Variants in METTL15 observed in about 807,000 individuals in gnomAD.
The protein encoded by METTL15 is methyltransferase 15, mitochondrial 12S rRNA N4-cytidine.
In METTL15, 34 loss-of-function variants were observed where a neutral mutation model predicts 38.3. That is an observed-to-expected ratio of 0.89 (90% CI 0.68 to 1.18). The LOEUF is 1.18. Among genes scored for constraint, METTL15 ranks in the 50% most tolerant of loss-of-function variants. The pLI is 0.00. For missense variants in METTL15, 438 were observed against 498.4 expected, an observed-to-expected ratio of 0.88 and a Z score of 1.15; for synonymous variants, 162 against 170.9, an observed-to-expected ratio of 0.95 and a Z score of 0.41.
At chr11:28,187,253 T>G (rs567516573) in intron 3 of METTL15, among the ~76,000 whole-genome samples, 13 of 151,374 alleles carry the variant, frequency 8.6e-5, no homozygotes, top group African/African-American at 2.9e-4. Flanking sequence ...TCTGACCAAA[T>G]AAATAAATCA....
intron 4 of METTL15, among the ~76,000 whole-genome samples, chr11:28,280,024 T>C (rs1008995051): frequency 3.3e-5 from 5 of 152,182 alleles, no homozygotes; most frequent in Non-Finnish European, 7.3e-5. Context: ...TTCTATTCTT[T>C]CCTTTTGTGC....
rs1436286667 is a variant in METTL15 at position 28,110,393 on chromosome 11, G to C, written c.-26G>C. ...GTTAGAGGCCAGCTGAGAAGTCTTC[G>C]TGCTTCAGGTGAGGAGAAGGGGACC... On this transcript the variant is annotated 5_prime_UTR_variant, in exon 2 of 7. Coordinates refer to ENST00000407364, the MANE Select transcript of METTL15 (RefSeq NM_001113528.2). 1 of 152,252 alleles carries C rather than the reference G, an allele frequency of 6.6e-6. No individual in the cohort carries two copies. The highest frequency in any genetic ancestry group is 1.5e-5 in the Non-Finnish European group (1 of 68,076). The allele number at this position is 152,252 out of a possible 1,614,324, so 9.4% of individuals were successfully genotyped here.
At chr11:28,237,220 C>G (rs572147144) in intron 4 of METTL15, among the ~76,000 whole-genome samples, 51 of 152,290 alleles carry the variant, frequency 3.3e-4, no homozygotes, top group African/African-American at 1.2e-3. Context: ...TCCATTCTCC[C>G]CATCACTTTC....
At chr11:28,255,357 C>T (rs531339235) in intron 4 of METTL15, among the ~76,000 whole-genome samples, 2 of 152,108 alleles carry the variant, frequency 1.3e-5, no homozygotes, top group South Asian at 4.1e-4. Flanking sequence ...TGGGTGGAAT[C>T]TTTAGGATTT....
At chr11:28,383,154 C>T (rs1212359858) in intron 5 of METTL15, among the ~76,000 whole-genome samples, 4 of 151,946 alleles carry the variant, frequency 2.6e-5, no homozygotes, top group East Asian at 1.9e-4. Context: ...TATCTATTGT[C>T]GCCTTCTTTG....
intron 3 of METTL15, among the ~76,000 whole-genome samples, chr11:28,122,359 GTGTGTGTGTGTGTATA>G (rs1338187939): frequency 2.1e-4 from 30 of 139,866 alleles, no homozygotes; most frequent in African/African-American, 4.8e-4. Context: ...GTGTGTGTGT[GTGTGTGTGTGTGTATA>G]TATATATATA....
chr11:28,296,535 C>T (rs547364109), intron 5 of METTL15, among the ~76,000 whole-genome samples: 115 of 152,148 alleles, frequency 7.6e-4, no homozygotes, highest in Admixed American at 1.3e-3. Flanking sequence ...CTGCCTTGAC[C>T]TTGATGAATG....
At chr11:28,334,213 T>G (rs547291267), downstream of METTL15, among the ~76,000 whole-genome samples, 1 of 152,198 alleles carries the variant, frequency 6.6e-6, no homozygotes, top group African/African-American at 2.4e-5. Flanking sequence ...CTGTTCACAT[T>G]GGTATGTAAA....
chr11:28,349,340 C>T (rs1357716029), intron 3 of METTL15, among the ~76,000 whole-genome samples: 1 of 152,234 alleles, frequency 6.6e-6, no homozygotes, highest in Non-Finnish European at 1.5e-5. Flanking sequence ...TTAGCCTCCT[C>T]TGCACAGGTC....
At chr11:28,279,599 G>A (rs1445197713) in intron 4 of METTL15, among the ~76,000 whole-genome samples, 1 of 151,962 alleles carries the variant, frequency 6.6e-6, no homozygotes, top group African/African-American at 2.4e-5. Context: ...CTACATGATT[G>A]TCTTAGGAAA....
intron 3 of METTL15, among the ~76,000 whole-genome samples, chr11:28,129,432 C>T (rs1028934594): frequency 2.0e-5 from 3 of 147,946 alleles, no homozygotes; most frequent in African/African-American, 7.5e-5. Flanking sequence ...TCTTTTGAGA[C>T]GGAGTCTTGC....
intron 3 of METTL15, among the ~76,000 whole-genome samples, chr11:28,206,566 C>A (rs1439164113): frequency 1.3e-5 from 2 of 150,048 alleles, no homozygotes; most frequent in Admixed American, 6.7e-5. Flanking sequence ...TGTTCTTTTG[C>A]CTTAGGATTG....
chr11:28,407,258 C>A (rs866115544), intron 5 of METTL15, among the ~76,000 whole-genome samples: 1 of 152,008 alleles, frequency 6.6e-6, no homozygotes. Flanking sequence ...TAGGCATGGG[C>A]AGATATGATG....
intron 3 of METTL15, among the ~76,000 whole-genome samples, chr11:28,207,807 G>C (rs1391321249): frequency 2.0e-5 from 3 of 152,124 alleles, no homozygotes; most frequent in African/African-American, 7.2e-5. Flanking sequence ...GGTCTTTTCA[G>C]AGATTCAACT....
intron 5 of METTL15, among the ~76,000 whole-genome samples, chr11:28,400,029 G>A (rs1850615363): frequency 6.6e-6 from 1 of 151,856 alleles, no homozygotes; most frequent in Admixed American, 6.6e-5. Context: ...CAATTAGCTG[G>A]ATTTGCCTCA....
chr11:28,396,724 G>C (rs1850573572), intron 5 of METTL15, among the ~76,000 whole-genome samples: 1 of 152,018 alleles, frequency 6.6e-6, no homozygotes, highest in African/African-American at 2.4e-5. Context: ...TTTCTTCACA[G>C]AATTGGAAAA....
intron 3 of METTL15, among the ~76,000 whole-genome samples, chr11:28,202,860 A>G (rs1852166176): frequency 6.6e-6 from 1 of 152,172 alleles, no homozygotes; most frequent in South Asian, 2.1e-4. Context: ...ACTAAGCAAC[A>G]TTAGGAAAAT....
intron 4 of METTL15, among the ~76,000 whole-genome samples, chr11:28,279,880 C>T (rs575864768): frequency 3.7e-5 from 5 of 134,948 alleles, no homozygotes; most frequent in African/African-American, 1.1e-4. Flanking sequence ...GCCTGGGTGA[C>T]AGGGCAAGAC....
At chr11:28,440,209 AC>A (rs1345410498) in intron 6 of METTL15, among the ~76,000 whole-genome samples, 3 of 152,160 alleles carry the variant, frequency 2.0e-5, no homozygotes, top group Non-Finnish European at 4.4e-5. Context: ...TATTCGTGTT[AC>A]TAGATATAGA....
Sources: gnomAD v4.1 joint callset for allele counts (sites outside exome capture counted in the v4.1 genomes callset) on GRCh38, gnomAD v4.1.1 for gene constraint, MANE v1.5 for transcripts, NCBI Gene and HGNC (gene_info 2026-07-23, HGNC 2026-07-21) for gene names.